The following MGAT4C variants were observed in gnomAD, a reference collection of about 807,000 sequenced individuals.
MGAT4C encodes the protein MGAT4 family member C, also known as alpha-1,3-mannosyl-glycoprotein 4-beta-N-acetylglucosaminyltransferase C.
MGAT4C carries 19 observed loss-of-function variants against 40.1 expected under a neutral mutation model. The ratio of observed to expected loss-of-function variants is 0.47; its 90% CI spans 0.33 to 0.70. The LOEUF is 0.70. MGAT4C is among the 30% of genes least tolerant of loss of function. The pLI, the probability that MGAT4C is intolerant of heterozygous loss-of-function variation, is 0.02. For missense variants in MGAT4C, 491 were observed against 563.2 expected, an observed-to-expected ratio of 0.87 and a Z score of 1.30; for synonymous variants, 181 against 187.1, an observed-to-expected ratio of 0.97 and a Z score of 0.27.
At chr12:86,023,889 G>A (rs898526838) in intron 2 of MGAT4C, among the ~76,000 whole-genome samples, 1 of 151,618 alleles carries the variant, frequency 6.6e-6, no homozygotes, top group African/African-American at 2.4e-5. Flanking sequence ...CTTGAGAAAT[G>A]ATTTTTTTCT....
intron 1 of MGAT4C, among the ~76,000 whole-genome samples, chr12:86,059,084 T>G (rs1434702832): frequency 6.6e-6 from 1 of 152,192 alleles, no homozygotes. Flanking sequence ...TCACTTTGTC[T>G]CCCAGGCTGG....
chr12:86,750,881 C>T (rs1951222546), intron 1 of MGAT4C, among the ~76,000 whole-genome samples: 1 of 151,992 alleles, frequency 6.6e-6, no homozygotes, highest in Admixed American at 6.6e-5. Context: ...GTAGGCTAGA[C>T]TTTAACAGTT....
intron 2 of MGAT4C, among the ~76,000 whole-genome samples, chr12:86,593,195 A>T (rs1309289616): frequency 2.0e-5 from 3 of 152,044 alleles, no homozygotes; most frequent in African/African-American, 4.8e-5. Flanking sequence ...TATTTGTAAA[A>T]TAATCTCATG....
At chr12:86,232,913 C>T (rs1335954410) in intron 1 of MGAT4C, among the ~76,000 whole-genome samples, 3 of 152,052 alleles carry the variant, frequency 2.0e-5, no homozygotes, top group Non-Finnish European at 2.9e-5. Flanking sequence ...TTTGATGTTA[C>T]GTGGAGAGAA....
At chr12:86,580,563 TTAAC>T (rs1414025768) in intron 2 of MGAT4C, among the ~76,000 whole-genome samples, 1 of 151,482 alleles carries the variant, frequency 6.6e-6, no homozygotes, top group African/African-American at 2.4e-5. Context: ...ATCTACATAA[TTAAC>T]TAAAATTATG....
At chr12:86,299,867 T>C (rs1167034267) in intron 4 of MGAT4C, among the ~76,000 whole-genome samples, 1 of 152,144 alleles carries the variant, frequency 6.6e-6, no homozygotes, top group East Asian at 1.9e-4. Flanking sequence ...TTTACCTAAG[T>C]AATAAGTACT....
At chr12:86,710,997 G>A (rs1289585891) in intron 2 of MGAT4C, among the ~76,000 whole-genome samples, 1 of 152,034 alleles carries the variant, frequency 6.6e-6, no homozygotes, top group Non-Finnish European at 1.5e-5. Flanking sequence ...GGATGCAAAT[G>A]CATAAGAATG....
intron 3 of MGAT4C, among the ~76,000 whole-genome samples, chr12:86,350,885 G>C (rs1955143065): frequency 6.6e-6 from 1 of 151,888 alleles, no homozygotes; most frequent in Non-Finnish European, 1.5e-5. Flanking sequence ...TCTCTTTCTA[G>C]AGCAACTGTA....
chr12:86,304,555 A>G (rs978346617), intron 4 of MGAT4C, among the ~76,000 whole-genome samples: 1 of 150,766 alleles, frequency 6.6e-6, no homozygotes, highest in East Asian at 1.9e-4. Flanking sequence ...TTTCTTACAT[A>G]TTCAAAATGG....
At chr12:86,156,875 G>A (rs1035218570) in intron 1 of MGAT4C, among the ~76,000 whole-genome samples, 1 of 152,118 alleles carries the variant, frequency 6.6e-6, no homozygotes, top group African/African-American at 2.4e-5. Flanking sequence ...ACAAGAGCAA[G>A]ATAATTCTCC....
intron 1 of MGAT4C, among the ~76,000 whole-genome samples, chr12:86,073,948 T>C (rs1186306909): frequency 6.6e-6 from 1 of 152,176 alleles, no homozygotes; most frequent in African/African-American, 2.4e-5. Flanking sequence ...GGTGAAATTA[T>C]ATGGTTTGGC....
chr12:85,992,786 C>G (rs1450395041), intron 2 of MGAT4C, among the ~76,000 whole-genome samples: 1 of 152,202 alleles, frequency 6.6e-6, no homozygotes, highest in Non-Finnish European at 1.5e-5. Context: ...GGCAAATGGT[C>G]CAAGGTCCCA....
chr12:86,723,918 G>C (rs780078307), intron 2 of MGAT4C, among the ~76,000 whole-genome samples: 1 of 152,050 alleles, frequency 6.6e-6, no homozygotes, highest in Non-Finnish European at 1.5e-5. Context: ...GTTTCTCTCT[G>C]AAAAGATTTC....
intron 2 of MGAT4C, among the ~76,000 whole-genome samples, chr12:86,500,843 G>T (rs547070886): frequency 6.6e-6 from 1 of 152,096 alleles, no homozygotes; most frequent in African/African-American, 2.4e-5. Context: ...TTTGCAAGTT[G>T]AATTCAGGAA....
intron 1 of MGAT4C, among the ~76,000 whole-genome samples, chr12:86,199,793 A>T (rs976437718): frequency 1.3e-5 from 2 of 152,166 alleles, no homozygotes; most frequent in African/African-American, 4.8e-5. Context: ...CACTAATGCC[A>T]TATCAAAGAG....
chr12:86,295,603 G>A (rs969506531), intron 4 of MGAT4C, among the ~76,000 whole-genome samples: 1 of 152,130 alleles, frequency 6.6e-6, no homozygotes, highest in African/African-American at 2.4e-5. Context: ...TGCCAATGCT[G>A]GCTCTGGCAG....
chr12:86,316,079 C>CAAAAAAAAAA (rs71076185), intron 4 of MGAT4C, among the ~76,000 whole-genome samples: 6 of 34,058 alleles, frequency 1.8e-4, no homozygotes, highest in African/African-American at 2.3e-4. Flanking sequence ...ATACAAGCAG[C>CAAAAAAAAAA]AAAAAAAAAA....
intron 2 of MGAT4C, among the ~76,000 whole-genome samples, chr12:86,453,973 C>T (rs999954261): frequency 3.3e-5 from 5 of 151,940 alleles, no homozygotes; most frequent in East Asian, 1.9e-4. Flanking sequence ...CAAGTTACCA[C>T]GAGCCACAAA....
chr12:86,066,176 C>T (rs1206144967), intron 1 of MGAT4C, among the ~76,000 whole-genome samples: 1 of 152,088 alleles, frequency 6.6e-6, no homozygotes, highest in Non-Finnish European at 1.5e-5. Flanking sequence ...ATCAAGGTAC[C>T]ACTGATTTTC....
Sources: gnomAD v4.1 joint callset for allele counts (sites outside exome capture counted in the v4.1 genomes callset) on GRCh38, gnomAD v4.1.1 for gene constraint, MANE v1.5 for transcripts, NCBI Gene and HGNC (gene_info 2026-07-23, HGNC 2026-07-21) for gene names.